SYCP1: variants seen among roughly 807,000 people sequenced by gnomAD.
SYCP1 encodes cancer/testis antigen 8.
In SYCP1, 64 loss-of-function variants were observed where a neutral mutation model predicts 153.1. That is an observed-to-expected ratio of 0.42 (90% CI 0.34 to 0.51). The LOEUF (loss-of-function observed/expected upper bound fraction) is 0.51. SYCP1 is among the 20% of genes least tolerant of loss of function. The pLI, the probability that SYCP1 is intolerant of heterozygous loss-of-function variation, is 0.06. For missense variants in SYCP1, 997 were observed against 1,049.0 expected (o/e 0.95, Z 0.68); for synonymous variants, 384 against 341.8 (o/e 1.12, Z -1.36).
intron 27 of SYCP1, among the ~76,000 whole-genome samples, chr1:114,955,804 C>T (rs1335036088): frequency 6.6e-6 from 1 of 152,160 alleles, no homozygotes; most frequent in Non-Finnish European, 1.5e-5. Flanking sequence ...CAGTAGGTTA[C>T]AGGTGGCTGA....
At chr1:114,908,260 C>T (rs1667948612) in intron 16 of SYCP1, among the ~76,000 whole-genome samples, 2 of 148,890 alleles carry the variant, frequency 1.3e-5, no homozygotes, top group South Asian at 4.2e-4. Flanking sequence ...GTCTTATTGT[C>T]TTTGATCCTC....
chr1:114,854,724 G>A (rs1164759489), upstream of SYCP1: 1 of 152,282 alleles, frequency 6.6e-6, no homozygotes, highest in East Asian at 1.9e-4. Flanking sequence ...GAAGCCTAAA[G>A]AACTTCCACT....
At chr1:114,868,809 A>G (rs1436551654) in intron 8 of SYCP1, among the ~76,000 whole-genome samples, 2 of 152,144 alleles carry the variant, frequency 1.3e-5, no homozygotes, top group Non-Finnish European at 2.9e-5. Context: ...GGTCCATTCC[A>G]TTTAGGTTAG....
At chr1:114,894,408 T>TTTCCAATTAATATATA (rs1256750621) in intron 15 of SYCP1, among the ~76,000 whole-genome samples, 41 of 152,336 alleles carry the variant, frequency 2.7e-4, no homozygotes, top group African/African-American at 9.9e-4. Flanking sequence ...AATTTTTAGC[T>TTTCCAATTAATATATA]GACAGCTGGA....
Position 114,946,307 on chromosome 1 carries a change from A to G in SYCP1, c.2173A>G (p.Ile725Val), listed in dbSNP as rs763098560. The change falls in exon 26 of 32, where the codon ATT becomes GTT. Residue 725 changes from isoleucine to valine, a missense_variant. By Grantham distance (29) the Ile-to-Val change is conservative. Around this residue, in one of 2 missense-constraint regions of SYCP1, gnomAD observed 712 missense variants for 682.9 expected, o/e 1.04. Transcript: ENST00000369522. ...EKHKHQYDKI[I>V]EERDSELGLY... ...AATATAGCACCAATATGATAAGATC[A>G]TTGAAGAAAGAGACTCAGAATTAGG... 1.3e-6 allele frequency: 2 copies of G among 1,580,982 alleles called. No homozygotes were observed. The highest frequency in any genetic ancestry group is 1.7e-6 in the Non-Finnish European group (2 of 1,166,260).
chr1:114,946,900 C>T (rs562713608), intron 26 of SYCP1, among the ~76,000 whole-genome samples: 11 of 152,048 alleles, frequency 7.2e-5, no homozygotes, highest in East Asian at 3.9e-4. Flanking sequence ...TCACCACACC[C>T]GGCTAATTTT....
chr1:114,992,147 T>G (rs1673966353), intron 30 of SYCP1, among the ~76,000 whole-genome samples: 1 of 151,606 alleles, frequency 6.6e-6, no homozygotes. Flanking sequence ...GTGAGAGAAA[T>G]TTTGAAAGAC....
intron 27 of SYCP1, among the ~76,000 whole-genome samples, chr1:114,959,981 A>C (rs1203604446): frequency 6.6e-6 from 1 of 152,112 alleles, no homozygotes; most frequent in African/African-American, 2.4e-5. Flanking sequence ...TTCTTTACCC[A>C]GTCATCAGGT....
At chr1:114,916,281 G>A (rs1284167353) in intron 20 of SYCP1, among the ~76,000 whole-genome samples, 1 of 151,942 alleles carries the variant, frequency 6.6e-6, no homozygotes, top group Non-Finnish European at 1.5e-5. Flanking sequence ...GGATATTTAT[G>A]TTTTTTAGTT....
intron 21 of SYCP1, among the ~76,000 whole-genome samples, 176 bp from the exon 22 acceptor site, chr1:114,926,102 A>G (rs909667342): frequency 6.6e-6 from 1 of 152,054 alleles, no homozygotes; most frequent in African/African-American, 2.4e-5. Flanking sequence ...TTGCATTTGT[A>G]TTTAGATGAT....
At chr1:114,954,195 A>C (rs1671284168) in intron 27 of SYCP1, among the ~76,000 whole-genome samples, 1 of 152,226 alleles carries the variant, frequency 6.6e-6, no homozygotes, top group Admixed American at 6.5e-5. Flanking sequence ...GACCTTGCCA[A>C]CTTATCATTT....
At chr1:114,857,172 A>AGAT in intron 3 of SYCP1, 60 bp from the exon 4 acceptor site, 3 of 1,312,126 alleles carry the variant, frequency 2.3e-6, no homozygotes, top group Non-Finnish European at 3.1e-6. Flanking sequence ...AAAAAGAAAA[A>AGAT]AAAAAAGAAA....
intron 23 of SYCP1, among the ~76,000 whole-genome samples, chr1:114,936,057 C>T (rs1330484654): frequency 6.6e-6 from 1 of 152,144 alleles, no homozygotes; most frequent in East Asian, 1.9e-4. Flanking sequence ...TTTTATGAGG[C>T]CAGCATCATC....
intron 2 of SYCP1, 80 bp from the exon 3 acceptor site, chr1:114,856,493 A>G (rs968160785): frequency 5.1e-5 from 45 of 888,236 alleles, no homozygotes; most frequent in Non-Finnish European, 6.5e-5. Context: ...GCAGATGTAT[A>G]TTACATATGT....
chr1:114,984,449 C>G (rs930545000), intron 29 of SYCP1, among the ~76,000 whole-genome samples: 10 of 152,036 alleles, frequency 6.6e-5, no homozygotes, highest in African/African-American at 2.4e-4. Context: ...GTCTGTCTCT[C>G]TGTTTCACTC....
intron 15 of SYCP1, among the ~76,000 whole-genome samples, 163 bp downstream of exon 15, chr1:114,887,856 T>C (rs1039534110): frequency 6.6e-6 from 1 of 152,020 alleles, no homozygotes; most frequent in Non-Finnish European, 1.5e-5. Context: ...ATTTAAACCT[T>C]AAGAAAGAGT....
At chr1:114,984,563 T>C (rs1673374366) in intron 29 of SYCP1, among the ~76,000 whole-genome samples, 162 bp from the exon 30 acceptor site, 2 of 152,048 alleles carry the variant, frequency 1.3e-5, no homozygotes, top group South Asian at 4.1e-4. Flanking sequence ...AACATTTGAA[T>C]TAAATTCTTA....
At chr1:114,925,906 A>G (rs1040770753) in intron 21 of SYCP1, among the ~76,000 whole-genome samples, 8 of 152,192 alleles carry the variant, frequency 5.3e-5, no homozygotes, top group Non-Finnish European at 1.2e-4. Context: ...ATATGTATAC[A>G]TTGTGAAATG....
At chr1:114,876,486 G>A (rs184205406) in intron 10 of SYCP1, among the ~76,000 whole-genome samples, 53 of 151,252 alleles carry the variant, frequency 3.5e-4, no homozygotes, top group African/African-American at 1.2e-3. Flanking sequence ...TCAGATTAGT[G>A]TGTTTTAGAG....
Sources: gnomAD v4.1 joint callset for allele counts (sites outside exome capture counted in the v4.1 genomes callset) on GRCh38, gnomAD v4.1.1 for gene constraint, gnomAD v4.1.1 regional missense constraint, MANE v1.5 for transcripts, NCBI Gene and HGNC (gene_info 2026-07-23, HGNC 2026-07-21) for gene names.